MICU1: variants seen among roughly 807,000 people sequenced by gnomAD.
MICU1 encodes the protein calcium uptake protein 1, mitochondrial.
MICU1 carries 45 observed loss-of-function variants against 56.8 expected under a neutral mutation model. The observed-to-expected ratio is 0.79, with a 90% confidence interval of 0.62 to 1.02. The LOEUF (loss-of-function observed/expected upper bound fraction) is 1.02, where lower values mean the gene tolerates loss of function less well. Among genes scored for constraint, MICU1 ranks in the 50% least tolerant of loss-of-function variants. The pLI is 0.00. For synonymous variants in MICU1, 186 were observed against 195.1 expected (o/e 0.95, Z 0.39); for missense variants, 504 against 587.1 (o/e 0.86, Z 1.46).
chr10:72,591,579 A>T (rs1841225859), intron 1 of MICU1, among the ~76,000 whole-genome samples: 1 of 152,164 alleles, frequency 6.6e-6, no homozygotes, highest in Admixed American at 6.5e-5. Context: ...AGGGATTATA[A>T]GACAGTACTA....
chr10:72,482,511 A>C (rs189199681), intron 6 of MICU1, among the ~76,000 whole-genome samples: 1 of 152,272 alleles, frequency 6.6e-6, no homozygotes, highest in Non-Finnish European at 1.5e-5. Context: ...AAGGATGATC[A>C]CACAGCCTCT....
intron 5 of MICU1, among the ~76,000 whole-genome samples, chr10:72,532,543 T>C (rs1448196438): frequency 6.6e-6 from 1 of 152,112 alleles, no homozygotes; most frequent in African/African-American, 2.4e-5. Context: ...AAATCAGAAG[T>C]GTTGCAGTAA....
rs1284866520 is a variant in MICU1, at chr10:72,565,908, A to C, written c.161+725T>G. ...AAGAAAGAGAAGACTGTGGCTCACT[A>C]CATTTTCTCTTCTTTCCAAGGAAGT... is the stretch of plus-strand genomic sequence containing the variant. On this transcript the variant is annotated intron_variant, in intron 2 of 11. Coordinates refer to ENST00000361114, the MANE Select transcript of MICU1 (RefSeq NM_001195518.2). 8.5e-5 allele frequency among the ~76,000 whole-genome samples: 13 copies of C among 152,188 alleles called. No individual in the cohort carries two copies. The East Asian group carries it at 2.3e-3, about 27-fold the overall frequency.
At chr10:72,555,238 T>C (rs1404090207) in intron 3 of MICU1, among the ~76,000 whole-genome samples, 1 of 152,228 alleles carries the variant, frequency 6.6e-6, no homozygotes, top group African/African-American at 2.4e-5. Context: ...AGGATCATTT[T>C]AAAATCTTGT....
intron 6 of MICU1, among the ~76,000 whole-genome samples, chr10:72,482,064 C>T (rs1446474505): frequency 1.3e-5 from 2 of 152,050 alleles, no homozygotes; most frequent in African/African-American, 4.8e-5. Context: ...GAGAAAAAAC[C>T]ATCTTTTTCT....
intron 5 of MICU1, among the ~76,000 whole-genome samples, chr10:72,509,695 C>A (rs1867379866): frequency 6.6e-6 from 1 of 152,062 alleles, no homozygotes; most frequent in Admixed American, 6.6e-5. Flanking sequence ...TGCTTGATAG[C>A]ATTTAGAGAT....
At chr10:72,544,401 A>G (rs985716099) in intron 4 of MICU1, among the ~76,000 whole-genome samples, 1 of 152,162 alleles carries the variant, frequency 6.6e-6, no homozygotes, top group Admixed American at 6.5e-5. Context: ...GGAGTCCAGG[A>G]GAAGTAAATC....
intron 1 of MICU1, among the ~76,000 whole-genome samples, chr10:72,569,218 TATATATATATATATATATA>T (rs1564939654): frequency 7.8e-5 from 3 of 38,482 alleles, no homozygotes; most frequent in African/African-American, 3.6e-4. Context: ...TATATATATA[TATATATATATATATATATA>T]TTTTTTTTTT....
chr10:72,397,002 T>A (rs1863288738), intron 10 of MICU1, among the ~76,000 whole-genome samples: 1 of 151,728 alleles, frequency 6.6e-6, no homozygotes, highest in Non-Finnish European at 1.5e-5. Context: ...AAGGTTGAAA[T>A]GAAGGAAAAA....
chr10:72,448,143 G>GTGTC (rs1448288740), intron 8 of MICU1, among the ~76,000 whole-genome samples: 1 of 130,012 alleles, frequency 7.7e-6, no homozygotes, highest in Non-Finnish European at 1.6e-5. Flanking sequence ...GTGTGTGTGT[G>GTGTC]TGTGTGTCTG....
chr10:72,616,639 T>C (rs1372314515), intron 1 of MICU1, among the ~76,000 whole-genome samples: 1 of 148,688 alleles, frequency 6.7e-6, no homozygotes, highest in African/African-American at 2.5e-5. Flanking sequence ...TGGTTTCCAC[T>C]CTGGTTGGTG....
intron 10 of MICU1, among the ~76,000 whole-genome samples, chr10:72,391,213 C>T (rs1231666767): frequency 6.6e-6 from 1 of 152,228 alleles, no homozygotes; most frequent in East Asian, 1.9e-4. Flanking sequence ...GGGTGGATCA[C>T]CTGAGGTCAG....
intron 8 of MICU1, among the ~76,000 whole-genome samples, chr10:72,428,376 C>T (rs960161396): frequency 2.6e-5 from 4 of 152,282 alleles, no homozygotes; most frequent in African/African-American, 7.2e-5. Flanking sequence ...AGTGCAATGG[C>T]GCGATCTCCA....
chr10:72,512,401 C>T (rs953134516), intron 5 of MICU1, among the ~76,000 whole-genome samples: 3 of 152,080 alleles, frequency 2.0e-5, no homozygotes, highest in Non-Finnish European at 2.9e-5. Context: ...GCCACCATGC[C>T]TGGCCCCCAT....
intron 10 of MICU1, among the ~76,000 whole-genome samples, chr10:72,401,239 T>G (rs1863444070): frequency 6.6e-6 from 1 of 152,264 alleles, no homozygotes; most frequent in Non-Finnish European, 1.5e-5. Flanking sequence ...TGTATTTTTT[T>G]CCTGGCTTTA....
chr10:72,463,656 C>T (rs887864768), intron 8 of MICU1, among the ~76,000 whole-genome samples: 1 of 152,186 alleles, frequency 6.6e-6, no homozygotes, highest in Admixed American at 6.5e-5. Context: ...TATATAATGG[C>T]GTTCCCATAA....
At chr10:72,567,831 C>T (rs899486464) in intron 1 of MICU1, among the ~76,000 whole-genome samples, 52 of 152,086 alleles carry the variant, frequency 3.4e-4, no homozygotes, top group African/African-American at 9.4e-4. Flanking sequence ...CCTCCAGGGT[C>T]CTTCTAGTCT....
At chr10:72,511,699 C>T (rs1232768490) in intron 5 of MICU1, among the ~76,000 whole-genome samples, 1 of 152,072 alleles carries the variant, frequency 6.6e-6, no homozygotes. Context: ...AAATGCAGTA[C>T]AAAAAAGGTC....
chr10:72,435,261 G>A (rs1178935302), intron 8 of MICU1, among the ~76,000 whole-genome samples: 1 of 151,614 alleles, frequency 6.6e-6, no homozygotes, highest in African/African-American at 2.4e-5. Flanking sequence ...GGTACCATGT[G>A]CCTGTAGTCC....
Sources: allele counts gnomAD v4.1 joint callset (sites outside exome capture counted in the v4.1 genomes callset), GRCh38; gene constraint gnomAD v4.1.1; transcripts MANE v1.5; gene names NCBI Gene and HGNC (gene_info 2026-07-23, HGNC 2026-07-21).